LRP5: variants seen among roughly 807,000 people sequenced by gnomAD.
The protein encoded by LRP5 is low-density lipoprotein receptor-related protein 5.
LRP5 carries 62 observed loss-of-function variants against 154.1 expected under a neutral mutation model. That is an observed-to-expected ratio of 0.40 (90% confidence interval 0.33 to 0.50). The LOEUF (loss-of-function observed/expected upper bound fraction) is 0.50, where lower values mean the gene tolerates loss of function less well. Ranked by LOEUF, LRP5 falls within the 20% of genes least tolerant of loss-of-function variation. The pLI, the probability that LRP5 is intolerant of heterozygous loss-of-function variation, is 0.55. For missense variants in LRP5, 1,915 were observed against 2,336.7 expected, an observed-to-expected ratio of 0.82 and a Z score of 3.72; for synonymous variants, 966 against 1,011.5, an observed-to-expected ratio of 0.96 and a Z score of 0.85.
In LRP5 at chr11:68,389,949, G is replaced by A. The variant is rs121908664; in HGVS notation, c.1481G>A (p.Arg494Gln). The change falls in exon 7 of 23, where the codon CGG (arginine) becomes CAG (glutamine). Residue 494 changes from arginine (R) to glutamine (Q), a missense_variant. Physicochemically the swap from Arg to Gln is conservative, Grantham distance 43. Around this residue, in one of 3 missense-constraint regions of LRP5, gnomAD observed 773 missense variants for 1,100.9 expected, o/e 0.70. Transcript: ENST00000294304. ...IECANLDGQE[R>Q]RVLVNASLGW... ...TGTGCCAACTTGGATGGGCAGGAGCGGCGTGTGCTGGTCAATGCCTCCCTC... is the reference window on the plus strand; with the variant it reads ...TGTGCCAACTTGGATGGGCAGGAGCAGCGTGTGCTGGTCAATGCCTCCCTC... 4 of 1,614,228 alleles carry A rather than the reference G, an allele frequency of 2.5e-6. No homozygotes were observed. The highest frequency in any genetic ancestry group is 1.7e-5 in the Admixed American group (1 of 60,030).
rs534182246 is a variant in LRP5 at position 68,331,661 on chromosome 11, C to T, written c.92-16186C>T. ...ACGTGCCCCCTGTATGTTTCCTGTT[C>T]GCCTGCTTCCCTGACCTTTGAAATG... On this transcript the variant is annotated intron_variant, in intron 1 of 22. Transcript: ENST00000294304. Among the ~76,000 whole-genome samples the T allele has an allele frequency of 1.5e-4, 23 of 152,314 alleles. No homozygotes were observed. The East Asian group carries it at 2.9e-3, about 19-fold the overall frequency.
At chr11:68,425,953 AG>A in intron 15 of LRP5, 24 bp from the exon 16 acceptor site, 2 of 1,601,894 alleles carry the variant, frequency 1.2e-6, no homozygotes. Flanking sequence ...AGCACTGCTC[AG>A]GGGGGCCCAC....
At chr11:68,317,613 G>A (rs545241561) in intron 1 of LRP5, among the ~76,000 whole-genome samples, 15 of 152,370 alleles carry the variant, frequency 9.8e-5, no homozygotes, top group African/African-American at 3.6e-4. Flanking sequence ...ATGCGCATAC[G>A]CGCTGCTCTT....
chr11:68,410,545 C>T (rs2098658877), intron 10 of LRP5, among the ~76,000 whole-genome samples: 1 of 152,220 alleles, frequency 6.6e-6, no homozygotes, highest in Non-Finnish European at 1.5e-5. Context: ...GGTCTCCTTG[C>T]TTTGCACTCT....
At chr11:68,444,024 G>C (rs1300380041) in intron 21 of LRP5, among the ~76,000 whole-genome samples, 1 of 152,104 alleles carries the variant, frequency 6.6e-6, no homozygotes, top group South Asian at 2.1e-4. Context: ...CTTCTGGGAT[G>C]TAATTAGATT....
chr11:68,445,187 C>A (rs1027507992), intron 21 of LRP5, among the ~76,000 whole-genome samples: 56 of 152,158 alleles, frequency 3.7e-4, no homozygotes, highest in Admixed American at 7.9e-4. Flanking sequence ...GCAGCCTCTG[C>A]CTCCAGGGTT....
chr11:68,395,300 C>CA (rs1239981628), intron 7 of LRP5, among the ~76,000 whole-genome samples: 21,229 of 75,466 alleles, frequency 0.28, 2,542 homozygotes, highest in Admixed American at 0.41. Flanking sequence ...GACTCCATCT[C>CA]AAAAAAAAAA....
At chr11:68,355,833 G>A (rs1232580054) in intron 2 of LRP5, among the ~76,000 whole-genome samples, 4 of 152,092 alleles carry the variant, frequency 2.6e-5, no homozygotes, top group Non-Finnish European at 5.9e-5. Flanking sequence ...GTCCATCCCA[G>A]CCATGGGTTT....
At position 68,426,098 on chromosome 11, in the gene LRP5, C is replaced by A. The variant is rs771525241; in HGVS notation, c.3548C>A (p.Thr1183Asn). ...QQQMIERVEKTTGDKRTRIQG... is the reference protein window; with the variant it reads ...QQQMIERVEKNTGDKRTRIQG... The stretch of plus-strand genomic sequence containing the variant: ...CAGATGATCGAGCGTGTGGAGAAGA[C>A]CACCGGGGACAAGCGGACTCGCATC... The change falls in exon 16 of 23, where the codon ACC becomes AAC. Residue 1183 changes from threonine (T) to asparagine (N), a missense_variant. Thr to Asn is a moderately conservative substitution (Grantham distance 65, BLOSUM62 0). Transcript: ENST00000294304. 1 of 1,613,524 alleles carries A rather than the reference C, an allele frequency of 6.2e-7. No homozygotes were observed. The highest frequency in any genetic ancestry group is 1.7e-5 in the Admixed American group (1 of 60,028).
intron 3 of LRP5, 85 bp from the exon 4 acceptor site, chr11:68,363,662 A>G (rs551775495): frequency 5.0e-6 from 6 of 1,208,368 alleles, no homozygotes; most frequent in Non-Finnish European, 7.2e-6. Context: ...ATCTCAAAAA[A>G]AAAAAAAGAA....
intron 5 of LRP5, among the ~76,000 whole-genome samples, chr11:68,374,869 C>T (rs1160723751): frequency 6.6e-6 from 1 of 152,164 alleles, no homozygotes; most frequent in Non-Finnish European, 1.5e-5. Flanking sequence ...CACCGTGGAG[C>T]GGGGGCACAG....
rs1222681066 is a variant in LRP5 at position 68,389,891 on chromosome 11, T to C, written c.1423T>C (p.Trp475Arg). 1 of 1,614,236 alleles carries C rather than the reference T, an allele frequency of 6.2e-7. No individual in the cohort carries two copies. The highest frequency in any genetic ancestry group is 2.2e-5 in the East Asian group (1 of 44,890). Residue 475 changes from tryptophan to arginine, a missense_variant, in exon 7 of 23, where the codon TGG (tryptophan) becomes CGG (arginine). By Grantham distance (101) the Trp-to-Arg change is moderately radical (BLOSUM62 -3). Coordinates refer to ENST00000294304, the MANE Select transcript of LRP5 (RefSeq NM_002335.4). ...ALHPVMGLMYWTDWGENPKIE... is the reference protein window; with the variant it reads ...ALHPVMGLMYRTDWGENPKIE... Reference sequence around the variant, plus strand: ...CTGCTTCTTCTCCAGCCTCATGTACTGGACAGACTGGGGAGAGAACCCTAA... The same window carrying C: ...CTGCTTCTTCTCCAGCCTCATGTACCGGACAGACTGGGGAGAGAACCCTAA...
intron 13 of LRP5, among the ~76,000 whole-genome samples, chr11:68,418,173 G>A (rs1053634414): frequency 1.3e-5 from 2 of 151,746 alleles, no homozygotes; most frequent in African/African-American, 2.4e-5. Context: ...TTGGGAGGCC[G>A]AAGTGGGTGG....
At chr11:68,345,755 A>G (rs1036213209) in intron 1 of LRP5, among the ~76,000 whole-genome samples, 8 of 152,224 alleles carry the variant, frequency 5.3e-5, no homozygotes, top group Non-Finnish European at 1.2e-4. Context: ...GCTGTTTTCC[A>G]TAGTAGCTGC....
the LRP5 span, among the ~76,000 whole-genome samples, chr11:68,303,309 C>A: frequency 1.3e-5 from 2 of 152,038 alleles, no homozygotes; most frequent in Admixed American, 1.3e-4. Context: ...TATGGACAAG[C>A]CAAGGCCAGG....
the LRP5 span, among the ~76,000 whole-genome samples, chr11:68,303,378 C>T: frequency 3.3e-5 from 5 of 152,184 alleles, no homozygotes; most frequent in Admixed American, 6.6e-5. Context: ...AGGTCACTTT[C>T]GTTATGCCTT....
intron 8 of LRP5, chr11:68,404,120 CT>C: frequency 2.4e-6 from 1 of 425,486 alleles, no homozygotes; most frequent in Non-Finnish European, 4.5e-6. Context: ...CTTGTTGCCC[CT>C]GTGGCCCACG....
In LRP5 at chr11:68,386,180, A is replaced by T; in HGVS notation, c.1016-136A>T. 9.7e-7 allele frequency: 1 copy of T among 1,035,056 alleles called. No homozygotes were observed. The highest frequency in any genetic ancestry group is 1.5e-6 in the Non-Finnish European group (1 of 682,792). The allele number at this position is 1,035,056 out of a possible 1,614,324, so 64.1% of individuals were successfully genotyped here. On this transcript the variant is annotated intron_variant, in intron 5 of 22. Coordinates refer to ENST00000294304, the MANE Select transcript of LRP5 (RefSeq NM_002335.4). This position sits in a 1 kb window ranked among gnomAD's most constrained non-coding sequence, Gnocchi z 7.9. ...ATGTAGCATGGGCTGGGTGCGTGTC[A>T]CCTAACATCACCAGCCTTTGCAAGG... is the stretch of plus-strand genomic sequence containing the variant.
chr11:68,335,536 C>T (rs1228761085), intron 1 of LRP5, among the ~76,000 whole-genome samples: 1 of 151,986 alleles, frequency 6.6e-6, no homozygotes, highest in African/African-American at 2.4e-5. Flanking sequence ...GACTCTAAAG[C>T]CTGGGTGACA....
Sources: allele counts gnomAD v4.1 joint callset (sites outside exome capture counted in the v4.1 genomes callset), GRCh38; gene constraint gnomAD v4.1.1; regional missense constraint gnomAD v4.1.1; non-coding constraint Gnocchi (gnomAD v3.1); transcripts MANE v1.5; gene names NCBI Gene and HGNC (gene_info 2026-07-23, HGNC 2026-07-21).